Variants in MARCHF1 observed in about 807,000 individuals in gnomAD.
MARCHF1 encodes E3 ubiquitin-protein ligase MARCHF1.
Under a neutral mutation model 54.2 loss-of-function variants are expected in MARCHF1, and 40 were observed. That is an observed-to-expected ratio of 0.74 (90% CI 0.57 to 0.96). MARCHF1 has a LOEUF of 0.96. MARCHF1 is among the 40% of genes least tolerant of loss of function. The probability of loss-of-function intolerance (pLI) is 0.00; values close to 1 mark genes in which losing one functional copy is unlikely to be tolerated. For synonymous variants in MARCHF1, 236 were observed against 236.3 expected (o/e 1.00, Z 0.01); for missense variants, 586 against 656.5 (o/e 0.89, Z 1.17).
intron 3 of MARCHF1, among the ~76,000 whole-genome samples, chr4:163,977,591 A>C (rs1415891373): frequency 6.6e-6 from 1 of 152,172 alleles, no homozygotes; most frequent in African/African-American, 2.4e-5. Flanking sequence ...AAGATTATCA[A>C]AACAAAAAAA....
chr4:164,213,456 CA>C (rs1163965991), intron 1 of MARCHF1, among the ~76,000 whole-genome samples: 1 of 151,692 alleles, frequency 6.6e-6, no homozygotes, highest in African/African-American at 2.4e-5. Context: ...AGGATGGTCT[CA>C]ATCTCCTGAC....
chr4:163,726,177 C>A lies in MARCHF1; in HGVS notation c.112-25314G>T, dbSNP rs145323744. 2.8e-4 allele frequency among the ~76,000 whole-genome samples: 42 copies of A among 152,252 alleles called. 1 individual carries two copies. In the South Asian group the frequency reaches 8.3e-3, roughly 30 times the overall value. On this transcript the variant is annotated intron_variant, in intron 4 of 9. Coordinates refer to ENST00000514618, the MANE Select transcript of MARCHF1 (RefSeq NM_001394959.1). ...TTCATTTGTGGTGTTGTATATTCTA[C>A]GGACTTTGACAAATGTATGATAACA...
chr4:163,596,376 C>T lies in MARCHF1; in HGVS notation c.1011-10447G>A, dbSNP rs143803545. Among the ~76,000 whole-genome samples, 143 of 151,926 alleles carry T rather than the reference C, an allele frequency of 9.4e-4. 1 individual carries two copies. The highest frequency in any genetic ancestry group is 3.4e-3 in the Middle Eastern group (1 of 294). ...CCAACATTGTGAAACCCTGTCTCTACTAAAAATACAAAAATTAGCCAGGCA... is the reference window on the plus strand; with the variant it reads ...CCAACATTGTGAAACCCTGTCTCTATTAAAAATACAAAAATTAGCCAGGCA... On this transcript the variant is annotated intron_variant, in intron 7 of 9. Coordinates refer to ENST00000514618, the MANE Select transcript of MARCHF1 (RefSeq NM_001394959.1).
chr4:164,081,207 C>CAAAAAAAAAAAAAAAAAA (rs60753810), intron 2 of MARCHF1, among the ~76,000 whole-genome samples: 2 of 18,406 alleles, frequency 1.1e-4, no homozygotes, highest in African/African-American at 1.8e-4. Flanking sequence ...GACGCTGTCT[C>CAAAAAAAAAAAAAAAAAA]AAAAAAAAAA....
chr4:164,343,563 T>C (rs1462557359), intron 1 of MARCHF1, among the ~76,000 whole-genome samples: 1 of 152,122 alleles, frequency 6.6e-6, no homozygotes, highest in Non-Finnish European at 1.5e-5. Context: ...AGGACATGAA[T>C]AGACTTTTCA....
At chr4:164,147,990 TAA>T (rs1176756440) in intron 1 of MARCHF1, among the ~76,000 whole-genome samples, 1 of 152,126 alleles carries the variant, frequency 6.6e-6, no homozygotes, top group Non-Finnish European at 1.5e-5. Context: ...GAAAATTTGA[TAA>T]AACAAAATAC....
intron 2 of MARCHF1, among the ~76,000 whole-genome samples, chr4:164,040,122 T>C (rs1754093410): frequency 6.9e-6 from 1 of 145,108 alleles, no homozygotes; most frequent in Admixed American, 7.0e-5. Flanking sequence ...TATATAAAGG[T>C]ATTTAAAAAT....
At chr4:163,773,619 TATTAC>T (rs1264710983) in intron 4 of MARCHF1, among the ~76,000 whole-genome samples, 2 of 152,184 alleles carry the variant, frequency 1.3e-5, no homozygotes, top group African/African-American at 4.8e-5. Flanking sequence ...TCTCGCATTT[TATTAC>T]AGATAAGAGA....
chr4:164,110,888 T>C (rs1463607643), intron 2 of MARCHF1, among the ~76,000 whole-genome samples: 1 of 151,754 alleles, frequency 6.6e-6, no homozygotes, highest in Non-Finnish European at 1.5e-5. Context: ...TTTCAGAAAC[T>C]GACATAGCAA....
At chr4:164,306,279 A>C (rs1351512164) in intron 1 of MARCHF1, among the ~76,000 whole-genome samples, 1 of 152,060 alleles carries the variant, frequency 6.6e-6, no homozygotes, top group Non-Finnish European at 1.5e-5. Context: ...TATCAATAGC[A>C]TTTTTCTTGG....
intron 2 of MARCHF1, among the ~76,000 whole-genome samples, chr4:163,997,876 A>G (rs1191869864): frequency 2.6e-5 from 4 of 151,360 alleles, no homozygotes; most frequent in African/African-American, 9.7e-5. Context: ...TGACTATTTG[A>G]TTTTCCATTA....
At chr4:164,303,936 T>A (rs1353808907) in intron 1 of MARCHF1, among the ~76,000 whole-genome samples, 1 of 152,240 alleles carries the variant, frequency 6.6e-6, no homozygotes, top group Non-Finnish European at 1.5e-5. Flanking sequence ...GAGTGATGAA[T>A]CCAAATAAAA....
chr4:163,684,763 C>CT (rs1346098768), intron 5 of MARCHF1, among the ~76,000 whole-genome samples: 12 of 152,156 alleles, frequency 7.9e-5, no homozygotes, highest in African/African-American at 2.4e-5. Flanking sequence ...AATGAATCTA[C>CT]TTTTTTCTAG....
chr4:164,196,076 C>T (rs895443695), intron 1 of MARCHF1, among the ~76,000 whole-genome samples: 19 of 152,072 alleles, frequency 1.2e-4, no homozygotes, highest in African/African-American at 4.6e-4. Flanking sequence ...CATTTAATTA[C>T]TAGTCTTCAT....
intron 7 of MARCHF1, among the ~76,000 whole-genome samples, chr4:163,607,269 G>A (rs1488836957): frequency 2.6e-5 from 4 of 152,096 alleles, no homozygotes; most frequent in Admixed American, 6.6e-5. Flanking sequence ...AAAAGTGGAT[G>A]TGGTGGAGAT....
At chr4:163,593,652 T>C (rs569097402) in intron 7 of MARCHF1, among the ~76,000 whole-genome samples, 22 of 152,322 alleles carry the variant, frequency 1.4e-4, no homozygotes, top group African/African-American at 4.1e-4. Context: ...GTCCACTCAT[T>C]AATCTTATCT....
At chr4:163,742,545 C>T (rs1746236489) in intron 4 of MARCHF1, among the ~76,000 whole-genome samples, 2 of 151,862 alleles carry the variant, frequency 1.3e-5, no homozygotes, top group African/African-American at 2.4e-5. Context: ...AGCATGATCA[C>T]GGCTTACTGC....
intron 1 of MARCHF1, among the ~76,000 whole-genome samples, chr4:164,128,458 G>A (rs1288333487): frequency 6.6e-6 from 1 of 151,292 alleles, no homozygotes; most frequent in Non-Finnish European, 1.5e-5. Context: ...CACAGAAATG[G>A]CCAAATATAT....
chr4:163,862,232 C>T (rs1286836235), intron 3 of MARCHF1, among the ~76,000 whole-genome samples: 3 of 152,090 alleles, frequency 2.0e-5, no homozygotes, highest in East Asian at 1.9e-4. Context: ...AAATTATAAA[C>T]TTGTACTTTA....
Sources: allele counts gnomAD v4.1 joint callset (sites outside exome capture counted in the v4.1 genomes callset), GRCh38; gene constraint gnomAD v4.1.1; transcripts MANE v1.5; gene names NCBI Gene and HGNC (gene_info 2026-07-23, HGNC 2026-07-21).